PLXDC2: variants seen among roughly 807,000 people sequenced by gnomAD.
The protein encoded by PLXDC2 is plexin domain containing 2, also known as plexin domain-containing protein 2.
A neutral mutation model predicts 68.9 loss-of-function variants in PLXDC2; 40 were observed. That is an observed-to-expected ratio of 0.58 (90% confidence interval 0.45 to 0.76). The LOEUF (loss-of-function observed/expected upper bound fraction) is 0.76. Ranked by LOEUF, PLXDC2 falls within the 30% of genes least tolerant of loss-of-function variation. PLXDC2 has a pLI of 0.00. For missense variants in PLXDC2, 644 were observed against 661.9 expected (o/e 0.97, Z 0.30); for synonymous variants, 243 against 234.2 (o/e 1.04, Z -0.34).
At chr10:19,956,781 C>A (rs974896741) in intron 1 of PLXDC2, among the ~76,000 whole-genome samples, 2 of 152,174 alleles carry the variant, frequency 1.3e-5, no homozygotes. Context: ...CTAGCGTTGT[C>A]TAAAACTTTT....
At chr10:19,945,993 C>G (rs1003841304) in intron 1 of PLXDC2, among the ~76,000 whole-genome samples, 3 of 152,178 alleles carry the variant, frequency 2.0e-5, no homozygotes, top group Non-Finnish European at 2.9e-5. Flanking sequence ...AAATTGGACC[C>G]AATGCTGCAT....
intron 1 of PLXDC2, among the ~76,000 whole-genome samples, chr10:19,830,436 G>A (rs1200080788): frequency 6.6e-6 from 1 of 151,986 alleles, no homozygotes; most frequent in African/African-American, 2.4e-5. Context: ...TCTTACCTTG[G>A]CTTTTACTGT....
chr10:20,106,697 A>G (rs1833495550), intron 4 of PLXDC2, among the ~76,000 whole-genome samples: 1 of 151,384 alleles, frequency 6.6e-6, no homozygotes, highest in Admixed American at 6.6e-5. Context: ...TCACCTCTCT[A>G]TTTTTTTCCC....
chr10:20,258,679 A>G (rs1252213022), intron 13 of PLXDC2, among the ~76,000 whole-genome samples: 1 of 152,124 alleles, frequency 6.6e-6, no homozygotes. Context: ...GTCACATCCA[A>G]GATGTGCAAA....
At chr10:20,113,919 A>G (rs535666597) in intron 4 of PLXDC2, among the ~76,000 whole-genome samples, 30 of 152,234 alleles carry the variant, frequency 2.0e-4, no homozygotes, top group Admixed American at 1.1e-3. Context: ...GAAGGTCAGG[A>G]GTTAGAGATC....
intron 1 of PLXDC2, among the ~76,000 whole-genome samples, chr10:19,972,293 G>A (rs1834368124): frequency 6.6e-6 from 1 of 152,184 alleles, no homozygotes. Flanking sequence ...GTCCTTTGCA[G>A]CAACATGAAT....
At chr10:19,901,024 CAT>C (rs1193631961) in intron 1 of PLXDC2, among the ~76,000 whole-genome samples, 221 of 146,232 alleles carry the variant, frequency 1.5e-3, no homozygotes, top group African/African-American at 5.3e-3. Context: ...TGTATTCATA[CAT>C]ATATATATAC....
At chr10:20,094,076 AAATACATG>A (rs1833316371) in intron 4 of PLXDC2, among the ~76,000 whole-genome samples, 1 of 152,232 alleles carries the variant, frequency 6.6e-6, no homozygotes, top group African/African-American at 2.4e-5. Flanking sequence ...CAAAAATTTA[AAATACATG>A]GATAAAACTT....
At chr10:19,986,914 GAT>G (rs1237600522) in intron 1 of PLXDC2, among the ~76,000 whole-genome samples, 1 of 152,204 alleles carries the variant, frequency 6.6e-6, no homozygotes, top group African/African-American at 2.4e-5. Flanking sequence ...GGCAAATAGT[GAT>G]TTCTGTGCAT....
At chr10:20,091,110 T>C (rs1833270593) in intron 4 of PLXDC2, among the ~76,000 whole-genome samples, 1 of 152,172 alleles carries the variant, frequency 6.6e-6, no homozygotes, top group Non-Finnish European at 1.5e-5. Flanking sequence ...AGCCTAGAAC[T>C]CTATAGGAAT....
intron 3 of PLXDC2, 22 bp from the exon 4 acceptor site, chr10:20,068,148 T>TC (rs747442486): frequency 6.3e-7 from 1 of 1,595,000 alleles, no homozygotes; most frequent in Non-Finnish European, 8.6e-7. Flanking sequence ...TTGATTTTTT[T>TC]CTCTGGTGTT....
intron 4 of PLXDC2, among the ~76,000 whole-genome samples, chr10:20,126,115 A>T (rs2131768776): frequency 1.4e-5 from 2 of 147,592 alleles, no homozygotes; most frequent in East Asian, 2.0e-4. Flanking sequence ...TGTATGTTTT[A>T]TATATAATAT....
At chr10:19,852,423 C>A (rs1837135506) in intron 1 of PLXDC2, among the ~76,000 whole-genome samples, 1 of 45,596 alleles carries the variant, frequency 2.2e-5, no homozygotes, top group Non-Finnish European at 3.8e-5. Flanking sequence ...AAGACCCTGT[C>A]TCAAAAAAAA....
At chr10:20,019,111 A>G (rs1835260513) in intron 2 of PLXDC2, among the ~76,000 whole-genome samples, 1 of 152,216 alleles carries the variant, frequency 6.6e-6, no homozygotes, top group African/African-American at 2.4e-5. Flanking sequence ...GAGACAGCGT[A>G]TCAATTTAAG....
At chr10:20,054,075 A>G (rs1835951530) in intron 3 of PLXDC2, among the ~76,000 whole-genome samples, 1 of 152,078 alleles carries the variant, frequency 6.6e-6, no homozygotes, top group East Asian at 1.9e-4. Context: ...TTGATGCAGA[A>G]CTGGGCTCAG....
At chr10:20,052,938 AT>A (rs1564297586) in intron 3 of PLXDC2, among the ~76,000 whole-genome samples, 2 of 151,906 alleles carry the variant, frequency 1.3e-5, no homozygotes, top group Admixed American at 1.3e-4. Context: ...ACCTAGGAAC[AT>A]TTTTTTAAAG....
intron 4 of PLXDC2, among the ~76,000 whole-genome samples, chr10:20,073,534 A>G (rs1197225860): frequency 6.6e-6 from 1 of 152,198 alleles, no homozygotes; most frequent in Non-Finnish European, 1.5e-5. Context: ...ATAAAAATAG[A>G]ATCTTTGCCT....
chr10:20,194,177 G>A (rs186922985), intron 9 of PLXDC2, among the ~76,000 whole-genome samples: 8 of 128,588 alleles, frequency 6.2e-5, no homozygotes, highest in Admixed American at 1.8e-4. Context: ...TTTGAGAGAC[G>A]AATTGAACTC....
chr10:19,887,896 A>G (rs1049568541), intron 1 of PLXDC2, among the ~76,000 whole-genome samples: 1 of 152,238 alleles, frequency 6.6e-6, no homozygotes, highest in Non-Finnish European at 1.5e-5. Flanking sequence ...TAAGTCACTT[A>G]CAAATGACAT....
Sources: gnomAD v4.1 joint callset for allele counts (sites outside exome capture counted in the v4.1 genomes callset) on GRCh38, gnomAD v4.1.1 for gene constraint, MANE v1.5 for transcripts, NCBI Gene and HGNC (gene_info 2026-07-23, HGNC 2026-07-21) for gene names.